LRRC2: variants seen among roughly 807,000 people sequenced by gnomAD.
The protein encoded by LRRC2 is leucine-rich repeat-containing protein 2.
A neutral mutation model predicts 40.2 loss-of-function variants in LRRC2; 27 were observed. The observed-to-expected ratio is 0.67, with a 90% CI of 0.49 to 0.93. The LOEUF (loss-of-function observed/expected upper bound fraction) is 0.93, where lower values mean the gene tolerates loss of function less well. Ranked by LOEUF, LRRC2 falls within the 40% of genes least tolerant of loss-of-function variation. The probability of loss-of-function intolerance (pLI) is 0.00; values close to 1 mark genes in which losing one functional copy is unlikely to be tolerated. For synonymous variants in LRRC2, 147 were observed against 158.9 expected (o/e 0.92, Z 0.56); for missense variants, 402 against 439.6 (o/e 0.91, Z 0.76).
chr3:46,516,073 C>T lies in LRRC2; in HGVS notation c.*2941G>A, dbSNP rs1447121869. On this transcript the variant is annotated 3_prime_UTR_variant, in exon 9 of 9. Transcript: ENST00000395905. ...TTCCTGGGTTCAAGCAATTCTCCTGCCTCAGCCTCCTGAGTAGCTGGGATT... is the reference window on the plus strand; with the variant it reads ...TTCCTGGGTTCAAGCAATTCTCCTGTCTCAGCCTCCTGAGTAGCTGGGATT... The T allele has an allele frequency of 6.6e-6, 1 of 151,184 alleles. No individual in the cohort carries two copies. Among genetic ancestry groups the T allele is most frequent in the Non-Finnish European group, 1.5e-5 (1 of 68,006 alleles). 9.4% of individuals were successfully genotyped at this position (151,184 alleles called of 1,614,324 possible). A position where few individuals can be genotyped will look rare whatever the true frequency, so the allele number is the denominator to read the frequency against.
intron 2 of LRRC2, among the ~76,000 whole-genome samples, chr3:46,550,359 C>T (rs1704615628): frequency 1.4e-5 from 2 of 144,794 alleles, no homozygotes; most frequent in Non-Finnish European, 1.5e-5. Flanking sequence ...AATGTAGACA[C>T]ATTCACACCT....
chr3:46,547,706 ATGTGTGTGTG>A (rs61273277), intron 2 of LRRC2, among the ~76,000 whole-genome samples: 1 of 149,890 alleles, frequency 6.7e-6, no homozygotes, highest in African/African-American at 2.5e-5. Context: ...GTGTGTGTGT[ATGTGTGTGTG>A]TGTGTGTGTG....
chr3:46,539,784 C>T (rs985223984), intron 3 of LRRC2, among the ~76,000 whole-genome samples: 2 of 152,210 alleles, frequency 1.3e-5, no homozygotes, highest in Non-Finnish European at 2.9e-5. Context: ...AACTCAGTGT[C>T]CAAGGCCTCC....
chr3:46,547,951 T>A (rs1704565903), intron 2 of LRRC2, among the ~76,000 whole-genome samples: 1 of 152,172 alleles, frequency 6.6e-6, no homozygotes, highest in African/African-American at 2.4e-5. Flanking sequence ...AGACTCTAGG[T>A]CAAAGACATG....
At chr3:46,565,572 C>T (rs946348812) in intron 1 of LRRC2, among the ~76,000 whole-genome samples, 3 of 152,150 alleles carry the variant, frequency 2.0e-5, no homozygotes, top group African/African-American at 7.2e-5. Flanking sequence ...AATGGGTGAA[C>T]CCCCCAGTCC....
At chr3:46,563,594 G>A (rs1247246048) in intron 1 of LRRC2, among the ~76,000 whole-genome samples, 1 of 152,174 alleles carries the variant, frequency 6.6e-6, no homozygotes, top group African/African-American at 2.4e-5. Flanking sequence ...CTCATCTAAA[G>A]TAAACCCGCC....
chr3:46,551,092 G>A (rs1704635971), intron 2 of LRRC2: 1 of 161,390 alleles, frequency 6.2e-6, no homozygotes, highest in South Asian at 2.0e-4. Flanking sequence ...GTGCACAACA[G>A]AGTAGCCCCA....
At chr3:46,536,517 G>A (rs1704271990) in intron 4 of LRRC2, among the ~76,000 whole-genome samples, 2 of 152,032 alleles carry the variant, frequency 1.3e-5, no homozygotes, top group Admixed American at 6.6e-5. Context: ...GGTCCCCCAC[G>A]GATACCCCTC....
intron 7 of LRRC2, among the ~76,000 whole-genome samples, chr3:46,522,013 C>T (rs942751914): frequency 6.6e-6 from 1 of 152,106 alleles, no homozygotes; most frequent in African/African-American, 2.4e-5. Flanking sequence ...TAAGGGACAT[C>T]CAACTTTAAA....
chr3:46,532,598 C>A (rs528163365), intron 5 of LRRC2, among the ~76,000 whole-genome samples, 175 bp downstream of exon 5: 1 of 135,892 alleles, frequency 7.4e-6, no homozygotes, highest in Non-Finnish European at 1.6e-5. Flanking sequence ...GAGCAAGACT[C>A]CACCTCAAAA....
chr3:46,562,641 G>T (rs187299333), intron 1 of LRRC2, among the ~76,000 whole-genome samples: 64 of 151,962 alleles, frequency 4.2e-4, no homozygotes, highest in Admixed American at 2.0e-3. Flanking sequence ...CTCCAAACTT[G>T]CTCCTTTAGA....
intron 8 of LRRC2, among the ~76,000 whole-genome samples, chr3:46,520,279 T>TTTTC (rs1281000599): frequency 6.6e-6 from 1 of 150,900 alleles, no homozygotes; most frequent in Non-Finnish European, 1.5e-5. Flanking sequence ...TTAACACCTA[T>TTTTC]TTTCTTTCTT....
At chr3:46,565,801 G>T (rs1470158303) in intron 1 of LRRC2, among the ~76,000 whole-genome samples, 1 of 152,240 alleles carries the variant, frequency 6.6e-6, no homozygotes, top group African/African-American at 2.4e-5. Context: ...AAACAAAGTT[G>T]ATTTATCTCC....
At chr3:46,558,364 C>G (rs993676468) in intron 1 of LRRC2, 1 of 152,170 alleles carries the variant, frequency 6.6e-6, no homozygotes, top group Admixed American at 6.5e-5. Context: ...CGTGGGTAAC[C>G]AATTTGGTTG....
chr3:46,540,370 CA>C (rs754898759), intron 3 of LRRC2, among the ~76,000 whole-genome samples: 3 of 151,980 alleles, frequency 2.0e-5, no homozygotes, highest in African/African-American at 7.3e-5. Flanking sequence ...ACTAAAAATA[CA>C]AAAATTAGCT....
At chr3:46,551,710 G>T in intron 1 of LRRC2, 100 bp from the exon 2 acceptor site, 1 of 737,614 alleles carries the variant, frequency 1.4e-6, no homozygotes, top group Non-Finnish European at 2.0e-6. Context: ...CTTGGCTTAA[G>T]GAATGATGAT....
chr3:46,554,187 T>C (rs1575360804), intron 1 of LRRC2, among the ~76,000 whole-genome samples: 1 of 152,032 alleles, frequency 6.6e-6, no homozygotes, highest in Non-Finnish European at 1.5e-5. Flanking sequence ...GCCCAGATAA[T>C]TTTTGTATTT....
chr3:46,543,096 G>A (rs374386313), intron 3 of LRRC2, among the ~76,000 whole-genome samples: 92 of 152,318 alleles, frequency 6.0e-4, no homozygotes, highest in African/African-American at 2.2e-3. Context: ...CTCTCTGGGG[G>A]AGGAAAACGG....
chr3:46,561,778 C>T (rs550804723), intron 1 of LRRC2, among the ~76,000 whole-genome samples: 4 of 149,904 alleles, frequency 2.7e-5, no homozygotes, highest in African/African-American at 9.8e-5. Flanking sequence ...TAGATGGCAA[C>T]CAGGGTGGGC....
Sources: gnomAD v4.1 joint callset for allele counts (sites outside exome capture counted in the v4.1 genomes callset) on GRCh38, gnomAD v4.1.1 for gene constraint, MANE v1.5 for transcripts, NCBI Gene and HGNC (gene_info 2026-07-23, HGNC 2026-07-21) for gene names.